NOC3L: variants seen among roughly 807,000 people sequenced by gnomAD.
NOC3L encodes nucleolar complex protein 3 homolog.
In NOC3L, 85 loss-of-function variants were observed where a neutral mutation model predicts 102.5. The observed-to-expected ratio is 0.83, with a 90% CI of 0.70 to 0.99. The LOEUF (loss-of-function observed/expected upper bound fraction) is 0.99, where lower values mean the gene tolerates loss of function less well. NOC3L is among the 50% of genes least tolerant of loss of function. The pLI is 0.00. For missense variants in NOC3L, 878 were observed against 914.9 expected (o/e 0.96, Z 0.52); for synonymous variants, 303 against 309.4 (o/e 0.98, Z 0.22).
chr10:94,316,977 G>A, the NOC3L span, among the ~76,000 whole-genome samples: 2 of 152,368 alleles, frequency 1.3e-5, no homozygotes, highest in South Asian at 4.1e-4. Flanking sequence ...TAGACCGGGC[G>A]TGGTGGCTCA....
chr10:94,329,799 A>AC (rs2054136816), downstream of NOC3L: 1 of 148,500 alleles, frequency 6.7e-6, no homozygotes, highest in South Asian at 2.1e-4. Context: ...AAAAAAAAAA[A>AC]AAAAAAAAAA....
Position 94,344,906 on chromosome 10 carries a change from G to C in NOC3L, c.1417C>G (p.Arg473Gly). 1 of 1,610,828 alleles carries C rather than the reference G, an allele frequency of 6.2e-7. No individual in the cohort carries two copies. The highest frequency in any genetic ancestry group is 8.5e-7 in the Non-Finnish European group (1 of 1,179,354). The part of the protein sequence containing the change: ...KWKKAEEKLE[R>G]ELREAEASES... ...GAAGCTTCTGCCTCTCGAAGCTCTC[G>C]CTCTAGTTTCTCTTCTGCTTTCTTC... The change falls in exon 12 of 21, where the codon CGA (arginine) becomes GGA (glycine). Residue 473 changes from arginine (R) to glycine (G), a missense_variant. Physicochemically the swap from Arg to Gly is moderately radical, Grantham distance 125. Transcript: ENST00000371361.
intron 18 of NOC3L, 49 bp downstream of exon 18, chr10:94,338,559 A>G (rs752773770): frequency 7.0e-7 from 1 of 1,429,404 alleles, no homozygotes; most frequent in Non-Finnish European, 9.3e-7. Context: ...ACTGGAAAAC[A>G]ATTATTCACA....
the NOC3L span, among the ~76,000 whole-genome samples, chr10:94,318,649 G>A: frequency 2.0e-5 from 3 of 152,314 alleles, no homozygotes; most frequent in African/African-American, 7.2e-5. Flanking sequence ...CTTGGGAGGA[G>A]CAGGAGGCAG....
chr10:94,335,392 A>G (rs1195597008), intron 19 of NOC3L, among the ~76,000 whole-genome samples: 1 of 152,172 alleles, frequency 6.6e-6, no homozygotes, highest in African/African-American at 2.4e-5. Flanking sequence ...AACATGCCAT[A>G]AAATAATCAT....
Position 94,357,309 on chromosome 10 carries a change from G to T in NOC3L, c.373C>A (p.Arg125=). 3.8e-6 allele frequency: 6 copies of T among 1,596,548 alleles called. No individual in the cohort carries two copies. The highest frequency in any genetic ancestry group is 5.1e-6 in the Non-Finnish European group (6 of 1,171,858). The change falls in exon 4 of 21, where the codon CGG becomes AGG. Residue 125 remains arginine (R), a synonymous_variant. Coordinates refer to ENST00000371361, the MANE Select transcript of NOC3L (RefSeq NM_022451.11). The part of the protein sequence containing the change: ...SSSEPVHAKK[R]KHERIIDKYE... ...TTATCTATAATGCGTTCATGCTTCC[G>T]TTTCTTCGCATGAACAGGCTCACTG...
At chr10:94,331,379 C>T (rs1199270900), downstream of NOC3L, 1 of 152,172 alleles carries the variant, frequency 6.6e-6, no homozygotes, top group Non-Finnish European at 1.5e-5. Flanking sequence ...GACTTCTGTC[C>T]TCTGCCCAGA....
chr10:94,327,911 G>A, the NOC3L span: 3,186 of 505,360 alleles, frequency 6.3e-3, 107 homozygotes, highest in African/African-American at 0.057. Context: ...TATACCGCAA[G>A]TGTTTCTGTT....
chr10:94,321,990 T>C, the NOC3L span: 1 of 1,614,074 alleles, frequency 6.2e-7, no homozygotes, highest in Non-Finnish European at 8.5e-7. Flanking sequence ...TGCATGATGT[T>C]TCTCCAGAGC....
chr10:94,356,723 T>TTTTTATGG (rs2054490545), intron 4 of NOC3L, 132 bp from the exon 5 acceptor site: 15 of 638,054 alleles, frequency 2.4e-5, no homozygotes, highest in South Asian at 4.0e-5. Flanking sequence ...CAATTAGTGA[T>TTTTTATGG]TGAGGTGAGC....
chr10:94,344,388 A>G, intron 13 of NOC3L, 27 bp downstream of exon 13: 1 of 1,493,878 alleles, frequency 6.7e-7, no homozygotes, highest in Non-Finnish European at 9.3e-7. Flanking sequence ...AAGGAATCTA[A>G]AAGATTTCAA....
At position 94,335,261 on chromosome 10, in the gene NOC3L, A is replaced by G. The variant is rs375792244; in HGVS notation, c.2190-543T>C. Among the ~76,000 whole-genome samples the G allele has an allele frequency of 4.6e-5, 7 of 152,298 alleles. No homozygotes were observed. In the East Asian group the frequency reaches 5.8e-4, roughly 13 times the overall value. On this transcript the variant is annotated intron_variant, in intron 19 of 20. Transcript: ENST00000371361. ...CTACGAAGGTAGCAATTAGGCTCACATCCCAATACCCACTCTCCAGAAGCC... is the reference window on the plus strand; with the variant it reads ...CTACGAAGGTAGCAATTAGGCTCACGTCCCAATACCCACTCTCCAGAAGCC...
chr10:94,339,419 T>C (rs1010676018), intron 17 of NOC3L, among the ~76,000 whole-genome samples: 2 of 152,216 alleles, frequency 1.3e-5, no homozygotes, highest in African/African-American at 4.8e-5. Context: ...TGGTAGAATA[T>C]ATAGCATAAT....
chr10:94,358,190 C>T lies in NOC3L; in HGVS notation c.243G>A (p.Glu81=), dbSNP rs765104582. The T allele has an allele frequency of 3.2e-6, 5 of 1,571,000 alleles. No individual in the cohort carries two copies. The highest frequency in any genetic ancestry group is 2.2e-5 in the East Asian group (1 of 44,680). Reference sequence around the variant, plus strand: ...CTAAAGGAAGGGCTTCTTCTTCTTCCTCTTCTTCCCTCTCAATCCTTTTAC... The same window carrying T: ...CTAAAGGAAGGGCTTCTTCTTCTTCTTCTTCTTCCCTCTCAATCCTTTTAC... ...RPGKRIEREE[E]EEEEALPLDM... The change falls in exon 3 of 21, where the codon GAG becomes GAA. Residue 81 remains glutamate, a synonymous_variant. Coordinates refer to ENST00000371361, the MANE Select transcript of NOC3L (RefSeq NM_022451.11).
intron 10 of NOC3L, 81 bp downstream of exon 10, chr10:94,349,168 TA>T: frequency 6.8e-7 from 1 of 1,468,050 alleles, no homozygotes; most frequent in Non-Finnish European, 9.1e-7. Flanking sequence ...CATACACTTA[TA>T]AGGAATAAAT....
rs992307530 is a variant in NOC3L at position 94,356,588 on chromosome 10, G to A, written c.512C>T (p.Thr171Ile). The A allele has an allele frequency of 5.8e-6, 9 of 1,546,844 alleles. No individual in the cohort carries two copies. Among genetic ancestry groups the A allele is most frequent in the Admixed American group, 3.3e-5 (2 of 59,718 alleles). Residue 171 changes from threonine (T) to isoleucine (I), a missense_variant, in exon 5 of 21, where the codon ACT becomes ATT. Transcript: ENST00000371361. ...ATCCTCTTCATCTTTGTTACTATCA[G>A]TAACTATATGGAAAACATATGTATT... is the stretch of plus-strand genomic sequence containing the variant. ...IIPQTREKPVTDSNKDEEDQE... is the reference protein window; with the variant it reads ...IIPQTREKPVIDSNKDEEDQE...
At chr10:94,325,630 T>C in the NOC3L span, 10 of 151,862 alleles carry the variant, frequency 6.6e-5, no homozygotes, top group African/African-American at 2.4e-4. Context: ...AATATATATA[T>C]GTAACTTGAG....
In NOC3L at chr10:94,346,426, T is replaced by C; in HGVS notation, c.1388A>G (p.Lys463Arg). 1 of 1,490,306 alleles carries C rather than the reference T, an allele frequency of 6.7e-7. No individual in the cohort carries two copies. 92.3% of individuals were successfully genotyped at this position (1,490,306 alleles called of 1,614,324 possible). The change falls in exon 11 of 21, where the codon AAG becomes AGG. Residue 463 changes from lysine to arginine, a missense_variant and splice_region_variant. Coordinates refer to ENST00000371361, the MANE Select transcript of NOC3L (RefSeq NM_022451.11). ...AACAAAAGGGGAAATAAGTCAAACC[T>C]TTCTCTGCATTCTTGATAGAGATTT... Reference protein sequence around the residue: ...KRKSLSRMQRKWKKAEEKLER... With the variant: ...KRKSLSRMQRRWKKAEEKLER...
intron 5 of NOC3L, among the ~76,000 whole-genome samples, chr10:94,356,187 C>T (rs71482304): frequency 0.13 from 20,445 of 152,154 alleles, 1,534 homozygotes; most frequent in Middle Eastern, 0.26. Context: ...CTTCATACTA[C>T]AGAATCGCTT....
Sources: gnomAD v4.1 joint callset for allele counts (sites outside exome capture counted in the v4.1 genomes callset) on GRCh38, gnomAD v4.1.1 for gene constraint, MANE v1.5 for transcripts, NCBI Gene and HGNC (gene_info 2026-07-23, HGNC 2026-07-21) for gene names.